PLAA: variants seen among roughly 807,000 people sequenced by gnomAD.
PLAA encodes the protein phospholipase A2 activating protein, also known as phospholipase A-2-activating protein.
A neutral mutation model predicts 84.1 loss-of-function variants in PLAA; 48 were observed. The ratio of observed to expected loss-of-function variants is 0.57; its 90% CI spans 0.45 to 0.73. The LOEUF (loss-of-function observed/expected upper bound fraction) is 0.73. Ranked by LOEUF, PLAA falls within the 30% of genes least tolerant of loss-of-function variation. The probability of loss-of-function intolerance (pLI) is 0.00; values close to 1 mark genes in which losing one functional copy is unlikely to be tolerated. For missense variants in PLAA, 903 were observed against 954.7 expected (o/e 0.95, Z 0.71); for synonymous variants, 392 against 336.6 (o/e 1.16, Z -1.80).
rs201496988 is a variant in PLAA, at chr9:26,917,180, T to C, written c.1418-15A>G. On this transcript the variant is annotated splice_polypyrimidine_tract_variant and intron_variant, in intron 9 of 13. Transcript: ENST00000397292. ...CCGACCACCACCTGTGCATGCAAAA[T>C]AAAGAAAAGGCAGAAGTGCACCAAA... The C allele has an allele frequency of 5.6e-6, 9 of 1,611,824 alleles. No homozygotes were observed. The highest frequency in any genetic ancestry group is 1.7e-4 in the Middle Eastern group (1 of 6,056).
At chr9:26,938,731 T>C (rs745990994) in intron 1 of PLAA, among the ~76,000 whole-genome samples, 2 of 152,164 alleles carry the variant, frequency 1.3e-5, no homozygotes, top group African/African-American at 2.4e-5. Context: ...TTTATAACTC[T>C]ACCTTTTGAT....
chr9:26,904,014 A>G lies in PLAA; in HGVS notation c.*1497T>C, dbSNP rs2131358970. 1 of 153,802 alleles carries G rather than the reference A, an allele frequency of 6.5e-6. No individual in the cohort carries two copies. Among genetic ancestry groups the G allele is most frequent in the Non-Finnish European group, 1.5e-5 (1 of 68,000 alleles). 9.5% of individuals were successfully genotyped at this position (153,802 alleles called of 1,614,324 possible). On this transcript the variant is annotated 3_prime_UTR_variant, in exon 14 of 14. Transcript: ENST00000397292. Reference sequence around the variant, plus strand: ...TTGACATAACCACCTAAACCCAATCAAAAAACGAAAAGTATAGGTACTCAA... The same window carrying G: ...TTGACATAACCACCTAAACCCAATCGAAAAACGAAAAGTATAGGTACTCAA...
chr9:26,908,915 CAA>C lies in PLAA; in HGVS notation c.1658-919_1658-918del, dbSNP rs149556361. On this transcript the variant is annotated intron_variant, in intron 12 of 13. Coordinates refer to ENST00000397292, the MANE Select transcript of PLAA (RefSeq NM_001031689.3). ...ATTCTACAGCTGTCAATGAAATAGT[CAA>C]AGAGTTAAATGCCTACTGATAACAT... 7.2e-4 allele frequency among the ~76,000 whole-genome samples: 109 copies of C among 152,256 alleles called. No individual in the cohort carries two copies. The East Asian group carries it at 0.019, about 27-fold the overall frequency.
At chr9:26,922,644 C>CCA (rs1478955956) in intron 7 of PLAA, among the ~76,000 whole-genome samples, 3 of 151,526 alleles carry the variant, frequency 2.0e-5, no homozygotes, top group African/African-American at 7.3e-5. Flanking sequence ...CAACTCATTA[C>CCA]ACAGACAATG....
Position 26,947,206 on chromosome 9 carries a change from G to C in PLAA, c.-161C>G, listed in dbSNP as rs917309401. The C allele has an allele frequency of 2.5e-6, 2 of 813,018 alleles. No homozygotes were observed. Among genetic ancestry groups the C allele is most frequent in the South Asian group, 2.0e-5 (1 of 50,288 alleles). The allele number at this position is 813,018 out of a possible 1,614,324, so 50.4% of individuals were successfully genotyped here. A position where few individuals can be genotyped will look rare whatever the true frequency, so the allele number is the denominator to read the frequency against. ...GCCGGTACGGAAGGGCGGCTGGGAA[G>C]GGGCGCGCCGAGCGGGCCGAGTGAC... On this transcript the variant is annotated 5_prime_UTR_variant, in exon 1 of 14. Coordinates refer to ENST00000397292, the MANE Select transcript of PLAA (RefSeq NM_001031689.3).
intron 2 of PLAA, among the ~76,000 whole-genome samples, chr9:26,933,417 A>C (rs1337701283): frequency 1.3e-5 from 2 of 152,022 alleles, no homozygotes; most frequent in Non-Finnish European, 2.9e-5. Context: ...ACACCACTGC[A>C]CTCCAGCCTG....
intron 10 of PLAA, chr9:26,916,519 C>T (rs777901059): frequency 2.0e-6 from 2 of 986,232 alleles, no homozygotes; most frequent in African/African-American, 3.5e-5. Flanking sequence ...ATTAGGAAGA[C>T]TACTCCTGGG....
At chr9:26,916,950 G>T in intron 10 of PLAA, 147 bp downstream of exon 10, 1 of 709,122 alleles carries the variant, frequency 1.4e-6, no homozygotes, top group Non-Finnish European at 2.3e-6. Context: ...AAAATCAGAA[G>T]TTAAAGAAAA....
At chr9:26,936,237 G>A (rs1181394756) in intron 1 of PLAA, among the ~76,000 whole-genome samples, 1 of 150,382 alleles carries the variant, frequency 6.6e-6, no homozygotes, top group Non-Finnish European at 1.5e-5. Context: ...AAACCCACAA[G>A]GCCAAGGAGA....
At chr9:26,931,312 C>A (rs552742030) in intron 2 of PLAA, among the ~76,000 whole-genome samples, 3 of 152,042 alleles carry the variant, frequency 2.0e-5, no homozygotes, top group Non-Finnish European at 2.9e-5. Context: ...AAAGTCTTGG[C>A]GATCAAATGC....
At chr9:26,942,512 A>C (rs903485254) in intron 1 of PLAA, among the ~76,000 whole-genome samples, 2 of 152,250 alleles carry the variant, frequency 1.3e-5, no homozygotes, top group Non-Finnish European at 2.9e-5. Context: ...AAATAAAACA[A>C]TTATTAGCCA....
At chr9:26,914,264 G>T (rs1423031653) in intron 10 of PLAA, among the ~76,000 whole-genome samples, 3 of 152,172 alleles carry the variant, frequency 2.0e-5, no homozygotes. Flanking sequence ...TGAAGTAAAG[G>T]GGTGGGACTA....
intron 9 of PLAA, among the ~76,000 whole-genome samples, chr9:26,918,612 A>G (rs1824652473): frequency 1.3e-5 from 2 of 152,202 alleles, no homozygotes; most frequent in Admixed American, 6.5e-5. Context: ...AACAAGGAAG[A>G]GCACTAGCAC....
intron 1 of PLAA, among the ~76,000 whole-genome samples, chr9:26,939,247 G>A (rs142591876): frequency 0.018 from 2,693 of 152,014 alleles, 38 homozygotes; most frequent in Middle Eastern, 0.041. Flanking sequence ...AATTAGCCAG[G>A]TGTGGTGGCA....
rs533715557 is a variant in PLAA at position 26,922,285 on chromosome 9, GTT to G, written c.1039+891_1039+892del. 6.8e-3 allele frequency among the ~76,000 whole-genome samples: 977 copies of G among 143,046 alleles called. 15 individuals are homozygous for G. The highest frequency in any genetic ancestry group is 0.023 in the African/African-American group (921 of 39,496). 93.8% of individuals were successfully genotyped at this position (143,046 alleles called of 152,430 possible). ...CAAACTGTTTTTTTTTGTTTTTATTGTTTTTTTTTTTTAAACTACAACTGCAT... is the reference window on the plus strand; with the variant it reads ...CAAACTGTTTTTTTTTGTTTTTATTGTTTTTTTTTTAAACTACAACTGCAT... On this transcript the variant is annotated intron_variant, in intron 7 of 13. Transcript: ENST00000397292.
intron 1 of PLAA, among the ~76,000 whole-genome samples, chr9:26,946,466 G>A (rs547823371): frequency 1.6e-4 from 23 of 145,962 alleles, no homozygotes; most frequent in African/African-American, 2.8e-4. Flanking sequence ...GAGAACTAAA[G>A]TCTTCAAAAA....
Position 26,903,700 on chromosome 9 carries a change from A to G in PLAA, c.*1811T>C, listed in dbSNP as rs1824147806. Among the ~76,000 whole-genome samples the G allele has an allele frequency of 6.6e-6, 1 of 152,170 alleles. No individual in the cohort carries two copies. Among genetic ancestry groups the G allele is most frequent in the Non-Finnish European group, 1.5e-5 (1 of 68,010 alleles). On this transcript the variant is annotated 3_prime_UTR_variant, in exon 14 of 14. Coordinates refer to ENST00000397292, the MANE Select transcript of PLAA (RefSeq NM_001031689.3). ...AATTATTTAACATATCCTTCAAGTG[A>G]GATTGTTTCCTTTTGCTAAGCTATA... is the stretch of plus-strand genomic sequence containing the variant.
At chr9:26,920,089 A>G (rs1192451675) in intron 8 of PLAA, 138 bp downstream of exon 8, 6 of 624,176 alleles carry the variant, frequency 9.6e-6, no homozygotes, top group Non-Finnish European at 1.4e-5. Flanking sequence ...CAAGACAGGG[A>G]AAAAAAAGAT....
intron 1 of PLAA, among the ~76,000 whole-genome samples, 160 bp from the exon 2 acceptor site, chr9:26,935,366 T>C (rs1276388165): frequency 6.6e-6 from 1 of 152,230 alleles, no homozygotes; most frequent in Non-Finnish European, 1.5e-5. Flanking sequence ...ACATAATTCA[T>C]ATGAACTACT....
Sources: allele counts gnomAD v4.1 joint callset (sites outside exome capture counted in the v4.1 genomes callset), GRCh38; gene constraint gnomAD v4.1.1; transcripts MANE v1.5; gene names NCBI Gene and HGNC (gene_info 2026-07-23, HGNC 2026-07-21).